The following TMEM47 variants were observed in gnomAD, a reference collection of about 807,000 sequenced individuals.
TMEM47 encodes brain cell membrane protein 1.
In TMEM47, 3 loss-of-function variants were observed where a neutral mutation model predicts 12.4. The observed-to-expected ratio is 0.24, with a 90% confidence interval of 0.11 to 0.63. The LOEUF is 0.63. Among genes scored for constraint, TMEM47 ranks in the 20% least tolerant of loss-of-function variants. The pLI, the probability that TMEM47 is intolerant of heterozygous loss-of-function variation, is 0.86. For missense variants in TMEM47, 89 were observed against 143.8 expected, an observed-to-expected ratio of 0.62 and a Z score of 1.95; for synonymous variants, 62 against 63.3, an observed-to-expected ratio of 0.98 and a Z score of 0.10.
At chrX:34,639,132 G>A in intron 2 of TMEM47, 115 bp downstream of exon 2, 1 of 867,194 alleles carries the variant, frequency 1.2e-6, no homozygotes, top group South Asian at 3.0e-5. Flanking sequence ...TATAGTAAAT[G>A]CCTCTCAATT....
rs1191476674 is a variant in TMEM47, at chrX:34,657,098, C to A, written c.-69G>T. 8 of 1,075,931 alleles carry A rather than the reference C, an allele frequency of 7.4e-6. No homozygotes were observed. The highest frequency in any genetic ancestry group is 9.6e-6 in the Non-Finnish European group (8 of 833,428). 88.7% of individuals were successfully genotyped at this position (1,075,931 alleles called of 1,213,427 possible). A position where few individuals can be genotyped will look rare whatever the true frequency, so the allele number is the denominator to read the frequency against. ...CAGGCGGGTCCGGAGAGCCGGGAGC[C>A]GGACCTCCCGAAGGGAGAAGCCGCC... On this transcript the variant is annotated 5_prime_UTR_variant, in exon 1 of 3. Coordinates refer to ENST00000275954, the MANE Select transcript of TMEM47 (RefSeq NM_031442.4).
intron 2 of TMEM47, among the ~76,000 whole-genome samples, chrX:34,635,525 G>A (rs1439128130): frequency 1.4e-4 from 16 of 111,362 alleles, no homozygotes; most frequent in Non-Finnish European, 2.8e-4. Flanking sequence ...ATTACATGGG[G>A]AAGAGATTAG....
At chrX:34,647,238 A>T (rs1202799589) in intron 1 of TMEM47, among the ~76,000 whole-genome samples, 1 of 111,537 alleles carries the variant, frequency 9.0e-6, no homozygotes, top group Non-Finnish European at 1.9e-5. Flanking sequence ...AGGGACCTTA[A>T]ACATGATGGC....
At chrX:34,654,642 T>C (rs188539936) in intron 1 of TMEM47, among the ~76,000 whole-genome samples, 2 of 111,726 alleles carry the variant, frequency 1.8e-5, no homozygotes, top group Non-Finnish European at 3.8e-5. Context: ...CTTGTTTCCT[T>C]TCCTCCACCC....
At chrX:34,649,419 G>A (rs991705035) in intron 1 of TMEM47, among the ~76,000 whole-genome samples, 3 of 111,408 alleles carry the variant, frequency 2.7e-5, no homozygotes, top group East Asian at 2.9e-4. Flanking sequence ...GGAGCTGGAG[G>A]CTATTATCCT....
intron 2 of TMEM47, among the ~76,000 whole-genome samples, chrX:34,632,586 A>T (rs1053762581): frequency 9.0e-6 from 1 of 111,608 alleles, no homozygotes; most frequent in Non-Finnish European, 1.9e-5. Context: ...AACACCCAAC[A>T]TTTCTGCCGT....
chrX:34,641,755 A>T (rs1921821269), intron 1 of TMEM47, among the ~76,000 whole-genome samples: 2 of 112,547 alleles, frequency 1.8e-5, no homozygotes, highest in South Asian at 7.3e-4. Flanking sequence ...ATATTTTTGG[A>T]TTTATGATTT....
rs958628952 is a variant in TMEM47, at chrX:34,627,509, T to G, written c.*2804A>C. 4.5e-5 allele frequency: 5 copies of G among 111,943 alleles called. No homozygotes were observed. Among genetic ancestry groups the G allele is most frequent in the African/African-American group, 1.6e-4 (5 of 30,750 alleles). The allele number at this position is 111,943 out of a possible 1,213,427, so 9.2% of individuals were successfully genotyped here. Reference sequence around the variant, plus strand: ...TCAGTTCATTGCATGTTTAATAATATACAGGTACATGCTAATCCATATATA... The same window carrying G: ...TCAGTTCATTGCATGTTTAATAATAGACAGGTACATGCTAATCCATATATA... On this transcript the variant is annotated 3_prime_UTR_variant, in exon 3 of 3. Transcript: ENST00000275954.
chrX:34,634,846 G>A (rs772194642), intron 2 of TMEM47, among the ~76,000 whole-genome samples: 1 of 112,268 alleles, frequency 8.9e-6, no homozygotes, highest in Non-Finnish European at 1.9e-5. Flanking sequence ...GAAGCAATTT[G>A]CATGGGTAAA....
intron 1 of TMEM47, among the ~76,000 whole-genome samples, chrX:34,643,485 C>T (rs1398247098): frequency 1.8e-5 from 2 of 111,941 alleles, no homozygotes; most frequent in Non-Finnish European, 3.8e-5. Context: ...ATAAAATTCT[C>T]TGTTTCCAGC....
At chrX:34,649,749 G>A (rs1411864614) in intron 1 of TMEM47, among the ~76,000 whole-genome samples, 1 of 111,446 alleles carries the variant, frequency 9.0e-6, no homozygotes, top group African/African-American at 3.3e-5. Flanking sequence ...ATTTTGATAC[G>A]GAGTCTTGCC....
rs762215328 is a variant in TMEM47, at chrX:34,630,436, C to T, written c.423G>A (p.Val141=). 4.1e-6 allele frequency: 5 copies of T among 1,210,681 alleles called. No individual in the cohort carries two copies. In the Admixed American group the frequency reaches 8.7e-5, roughly 21 times the overall value. The change falls in exon 3 of 3, where the codon GTG becomes GTA. Residue 141 remains valine (V), a synonymous_variant. Transcript: ENST00000275954. ...VLYPIKFIET[V]SLKIYHEFNW... ...TGAACTCATGGTAAATTTTCAAGCT[C>T]ACAGTTTCAATGAACTTGATTGGGT...
intron 2 of TMEM47, among the ~76,000 whole-genome samples, chrX:34,634,067 G>GA (rs932991984): frequency 2.0e-4 from 21 of 104,833 alleles, no homozygotes; most frequent in South Asian, 8.2e-4. Context: ...GTAGAGGGAA[G>GA]AAAAAAAAAA....
chrX:34,637,051 A>G (rs1921730118), intron 2 of TMEM47, among the ~76,000 whole-genome samples: 1 of 112,213 alleles, frequency 8.9e-6, no homozygotes, highest in South Asian at 3.7e-4. Flanking sequence ...GATAATACGG[A>G]GAAAATAAAT....
At chrX:34,654,472 A>T (rs111914664) in intron 1 of TMEM47, among the ~76,000 whole-genome samples, 1,411 of 112,094 alleles carry the variant, frequency 0.013, 29 homozygotes, top group African/African-American at 0.043. Flanking sequence ...CAAACAGACG[A>T]AAAAAGCTGC....
intron 1 of TMEM47, among the ~76,000 whole-genome samples, chrX:34,656,384 G>C (rs995365042): frequency 9.1e-6 from 1 of 109,481 alleles, no homozygotes; most frequent in Non-Finnish European, 1.9e-5. Flanking sequence ...AAAAGAGTGG[G>C]GAAGACCGAA....
At chrX:34,644,068 T>C (rs1199878233) in intron 1 of TMEM47, among the ~76,000 whole-genome samples, 3 of 108,997 alleles carry the variant, frequency 2.8e-5, no homozygotes, top group Non-Finnish European at 5.7e-5. Flanking sequence ...TCTACTAGTG[T>C]TTTCTATAAC....
chrX:34,650,409 T>C (rs1406947002), intron 1 of TMEM47, among the ~76,000 whole-genome samples: 1 of 112,404 alleles, frequency 8.9e-6, no homozygotes, highest in African/African-American at 3.2e-5. Context: ...CATTGTATCC[T>C]TCTTCATTTT....
In TMEM47 at chrX:34,627,375, T is replaced by C. The variant is rs1180410118; in HGVS notation, c.*2938A>G. ...CAGATGAAATTTCTAGGCACAGCTTTAGGCATTAAAGAGGACACAGAGGCA... is the reference window on the plus strand; with the variant it reads ...CAGATGAAATTTCTAGGCACAGCTTCAGGCATTAAAGAGGACACAGAGGCA... On this transcript the variant is annotated 3_prime_UTR_variant, in exon 3 of 3. Transcript: ENST00000275954. The C allele has an allele frequency of 8.9e-6, 1 of 112,332 alleles. No individual in the cohort carries two copies. The highest frequency in any genetic ancestry group is 1.9e-5 in the Non-Finnish European group (1 of 53,164). The allele number at this position is 112,332 out of a possible 1,213,427, so 9.3% of individuals were successfully genotyped here. A position where few individuals can be genotyped will look rare whatever the true frequency, so the allele number is the denominator to read the frequency against.
Sources: allele counts gnomAD v4.1 joint callset (sites outside exome capture counted in the v4.1 genomes callset), GRCh38; gene constraint gnomAD v4.1.1; transcripts MANE v1.5; gene names NCBI Gene and HGNC (gene_info 2026-07-23, HGNC 2026-07-21).